The following TAPT1 variants were observed in gnomAD, a reference collection of about 807,000 sequenced individuals.
TAPT1 encodes the protein transmembrane anterior posterior transformation protein 1 homolog.
TAPT1 carries 28 observed loss-of-function variants against 65.6 expected under a neutral mutation model. That is an observed-to-expected ratio of 0.43 (90% confidence interval 0.32 to 0.59). The LOEUF (loss-of-function observed/expected upper bound fraction) is 0.59, where lower values mean the gene tolerates loss of function less well. Among genes scored for constraint, TAPT1 ranks in the 20% least tolerant of loss-of-function variants. TAPT1 has a pLI of 0.09. For synonymous variants in TAPT1, 278 were observed against 245.2 expected (o/e 1.13, Z -1.25); for missense variants, 563 against 679.9 (o/e 0.83, Z 1.91).
At chr4:16,179,546 A>C (rs1333410887) in intron 8 of TAPT1, 31 bp downstream of exon 8, 1 of 1,341,076 alleles carries the variant, frequency 7.5e-7, no homozygotes, top group Non-Finnish European at 1.0e-6. Context: ...AAGTAAAATT[A>C]TAAGACACTG....
rs534558447 is a variant in TAPT1 at position 16,183,311 on chromosome 4, T to C, written c.916+3224A>G. ...CTACTTTGCTTACAGCAAAAAGTAA[T>C]TTTTTTTTTGGTGCTAAGTAGTAAC... On this transcript the variant is annotated intron_variant, in intron 7 of 13. Coordinates refer to ENST00000405303, the MANE Select transcript of TAPT1 (RefSeq NM_153365.3). Among the ~76,000 whole-genome samples, 14 of 145,232 alleles carry C rather than the reference T, an allele frequency of 9.6e-5. No homozygotes were observed. The East Asian group carries it at 2.5e-3, about 26-fold the overall frequency.
rs112314084 is a variant in TAPT1 at position 16,222,665 on chromosome 4, C to T, written c.199+3594G>A. Among the ~76,000 whole-genome samples the T allele has an allele frequency of 3.2e-3, 490 of 152,312 alleles. 4 individuals are homozygous for T. The highest frequency in any genetic ancestry group is 0.011 in the African/African-American group (461 of 41,570). ...AGGTAATATGAATAGTTAAAACCTT[C>T]GTCCCACTCGAAATCTTTTAAGGGT... On this transcript the variant is annotated intron_variant, in intron 1 of 13. Transcript: ENST00000405303.
chr4:16,224,044 C>A (rs1039870605), intron 1 of TAPT1, among the ~76,000 whole-genome samples: 1 of 151,922 alleles, frequency 6.6e-6, no homozygotes, highest in Non-Finnish European at 1.5e-5. Context: ...GGATCTAGAT[C>A]TCAAGGGCAG....
chr4:16,218,757 T>C (rs570637993), intron 1 of TAPT1, among the ~76,000 whole-genome samples: 3 of 152,356 alleles, frequency 2.0e-5, no homozygotes, highest in Admixed American at 6.5e-5. Flanking sequence ...TACTTCATAT[T>C]AACTTCACAA....
At chr4:16,195,499 T>C (rs973730622) in intron 3 of TAPT1, among the ~76,000 whole-genome samples, 3 of 152,206 alleles carry the variant, frequency 2.0e-5, no homozygotes, top group Non-Finnish European at 4.4e-5. Flanking sequence ...CAAGTAATAT[T>C]ACATCAGGTA....
chr4:16,202,446 A>G lies in TAPT1; in HGVS notation c.449+16T>C. 7.3e-7 allele frequency: 1 copy of G among 1,365,578 alleles called. No individual in the cohort carries two copies. Among genetic ancestry groups the G allele is most frequent in the Middle Eastern group, 1.8e-4 (1 of 5,636 alleles). The allele number at this position is 1,365,578 out of a possible 1,614,324, so 84.6% of individuals were successfully genotyped here. On this transcript the variant is annotated intron_variant, in intron 3 of 13. Coordinates refer to ENST00000405303, the MANE Select transcript of TAPT1 (RefSeq NM_153365.3). Reference sequence around the variant, plus strand: ...AAATACTATACATTTACAATAGTTAACGATCTTAAACTTACCTTAAGCCAT... The same window carrying G: ...AAATACTATACATTTACAATAGTTAGCGATCTTAAACTTACCTTAAGCCAT...
In TAPT1 at chr4:16,195,396, C is replaced by A. The variant is rs542915955; in HGVS notation, c.450-3873G>T. On this transcript the variant is annotated intron_variant, in intron 3 of 13. Transcript: ENST00000405303. Reference sequence around the variant, plus strand: ...CAATTCACCTTGCAAATGATGAAAACCCCATATGAAAGCATAAACAAGTGA... The same window carrying A: ...CAATTCACCTTGCAAATGATGAAAAACCCATATGAAAGCATAAACAAGTGA... Among the ~76,000 whole-genome samples the A allele has an allele frequency of 2.1e-3, 322 of 152,296 alleles. 1 individual carries two copies. The highest frequency in any genetic ancestry group is 6.6e-3 in the Admixed American group (101 of 15,296).
intron 7 of TAPT1, among the ~76,000 whole-genome samples, chr4:16,182,676 T>C (rs1399611424): frequency 1.3e-5 from 2 of 152,234 alleles, no homozygotes; most frequent in African/African-American, 4.8e-5. Context: ...AAATGCACAG[T>C]TCACATTACC....
chr4:16,195,021 C>T (rs770775332), intron 3 of TAPT1, among the ~76,000 whole-genome samples: 1 of 152,022 alleles, frequency 6.6e-6, no homozygotes, highest in African/African-American at 2.4e-5. Flanking sequence ...CTTGAGCCAC[C>T]GTGCCCGATA....
At chr4:16,225,448 T>C (rs1029319138) in intron 1 of TAPT1, among the ~76,000 whole-genome samples, 6 of 152,252 alleles carry the variant, frequency 3.9e-5, no homozygotes, top group Admixed American at 2.6e-4. Context: ...GCTTGAGAAT[T>C]AAAACGTTGG....
At chr4:16,220,526 G>A (rs1050170043) in intron 1 of TAPT1, among the ~76,000 whole-genome samples, 4 of 152,108 alleles carry the variant, frequency 2.6e-5, no homozygotes, top group Admixed American at 6.5e-5. Flanking sequence ...CAAGGCGGGT[G>A]GATCCCAATG....
At chr4:16,165,966 C>T (rs779185566) in intron 13 of TAPT1, among the ~76,000 whole-genome samples, 11 of 152,200 alleles carry the variant, frequency 7.2e-5, no homozygotes, top group East Asian at 1.9e-4. Flanking sequence ...CTCAAAGCCC[C>T]GCAACAGCCC....
At chr4:16,205,417 C>G (rs1750279648) in intron 2 of TAPT1, among the ~76,000 whole-genome samples, 1 of 152,132 alleles carries the variant, frequency 6.6e-6, no homozygotes, top group East Asian at 1.9e-4. Flanking sequence ...TGTGCTAAAG[C>G]TCTGGGTCTA....
At chr4:16,168,434 C>A (rs1001077062) in intron 12 of TAPT1, among the ~76,000 whole-genome samples, 1 of 152,178 alleles carries the variant, frequency 6.6e-6, no homozygotes, top group Non-Finnish European at 1.5e-5. Flanking sequence ...CGTAGTCTCC[C>A]GTCCCCGGGC....
At chr4:16,177,018 T>C (rs1241197846) in intron 8 of TAPT1, among the ~76,000 whole-genome samples, 1 of 152,212 alleles carries the variant, frequency 6.6e-6, no homozygotes, top group Non-Finnish European at 1.5e-5. Context: ...GCCTGATATA[T>C]TTGCTCACCA....
chr4:16,166,142 G>T lies in TAPT1; in HGVS notation c.1474+491C>A, dbSNP rs146973948. The stretch of plus-strand genomic sequence containing the variant: ...TTGGTGCCTTTGCTGGGCCTGCCGG[G>T]CCTCTGCCTGGGAGCTGCTCCTGGA... On this transcript the variant is annotated intron_variant, in intron 13 of 13. Coordinates refer to ENST00000405303, the MANE Select transcript of TAPT1 (RefSeq NM_153365.3). Among the ~76,000 whole-genome samples the T allele has an allele frequency of 3.3e-4, 51 of 152,280 alleles. No individual in the cohort carries two copies. The East Asian group carries it at 9.7e-3, about 29-fold the overall frequency.
intron 7 of TAPT1, 106 bp from the exon 8 acceptor site, chr4:16,179,763 T>C (rs1748592542): frequency 1.9e-5 from 10 of 517,666 alleles, no homozygotes; most frequent in Non-Finnish European, 2.4e-5. Context: ...TTAGACGATG[T>C]ATAAATGTCT....
At chr4:16,201,354 T>C (rs1285752010) in intron 3 of TAPT1, among the ~76,000 whole-genome samples, 1 of 152,186 alleles carries the variant, frequency 6.6e-6, no homozygotes, top group Admixed American at 6.5e-5. Context: ...ACTGCTATGG[T>C]TAAATTATTT....
chr4:16,221,183 C>T (rs1297556571), intron 1 of TAPT1, among the ~76,000 whole-genome samples: 1 of 152,070 alleles, frequency 6.6e-6, no homozygotes, highest in Non-Finnish European at 1.5e-5. Context: ...TGCAGTGGCA[C>T]GATCTCGTCT....
Sources: allele counts gnomAD v4.1 joint callset (sites outside exome capture counted in the v4.1 genomes callset), GRCh38; gene constraint gnomAD v4.1.1; transcripts MANE v1.5; gene names NCBI Gene and HGNC (gene_info 2026-07-23, HGNC 2026-07-21).